Variants in CSMD1 observed in about 807,000 individuals in gnomAD.
CSMD1 encodes CUB and Sushi multiple domains 1.
Under a neutral mutation model 417.5 loss-of-function variants are expected in CSMD1, and 213 were observed. That is an observed-to-expected ratio of 0.51 (90% CI 0.46 to 0.57). The LOEUF (loss-of-function observed/expected upper bound fraction) is 0.57, where lower values mean the gene tolerates loss of function less well. Among genes scored for constraint, CSMD1 ranks in the 20% least tolerant of loss-of-function variants. The pLI, the probability that CSMD1 is intolerant of heterozygous loss-of-function variation, is 0.00. For missense variants in CSMD1, 6,923 were observed against 4,529.7 expected (o/e 1.53, Z -15.17); for synonymous variants, 2,862 against 1,736.8 (o/e 1.65, Z -16.11).
chr8:3,965,996 A>C (rs186322117), intron 5 of CSMD1, among the ~76,000 whole-genome samples: 20 of 152,340 alleles, frequency 1.3e-4, no homozygotes, highest in Admixed American at 1.1e-3. Flanking sequence ...AAATGTTAAT[A>C]TGAAGCATAG....
chr8:4,586,135 G>A, intron 2 of CSMD1, among the ~76,000 whole-genome samples: 1 of 152,108 alleles, frequency 6.6e-6, no homozygotes, highest in East Asian at 1.9e-4. Flanking sequence ...ATCTCCTCAA[G>A]CATTTGCCAT....
chr8:4,696,325 A>G (rs1297470874), intron 1 of CSMD1, among the ~76,000 whole-genome samples: 1 of 152,236 alleles, frequency 6.6e-6, no homozygotes, highest in East Asian at 1.9e-4. Flanking sequence ...TAACTTTCAA[A>G]GACTCTTAGA....
intron 3 of CSMD1, among the ~76,000 whole-genome samples, chr8:4,206,292 C>T (rs75609170): frequency 6.6e-6 from 1 of 151,890 alleles, no homozygotes; most frequent in Non-Finnish European, 1.5e-5. Context: ...TGTGCTGCAC[C>T]CATTAACTTG....
At chr8:4,097,793 T>C (rs1028062035) in intron 3 of CSMD1, among the ~76,000 whole-genome samples, 4 of 152,204 alleles carry the variant, frequency 2.6e-5, no homozygotes, top group Non-Finnish European at 5.9e-5. Flanking sequence ...TTTAGCATGA[T>C]TACAAATGCT....
At chr8:4,324,841 G>C (rs1428307056) in intron 3 of CSMD1, among the ~76,000 whole-genome samples, 2 of 152,216 alleles carry the variant, frequency 1.3e-5, no homozygotes, top group Non-Finnish European at 2.9e-5. Context: ...AGACAAAGAA[G>C]AGGAGGGACT....
In CSMD1 at chr8:4,149,469, A is replaced by G. The variant is rs74447217; in HGVS notation, c.416-117370T>C. ...GGCCAATAAAAGGAAATCTTCCAAT[A>G]TATTTGAAGGATTACTCTATCTGGA... On this transcript the variant is annotated intron_variant, in intron 3 of 69. Coordinates refer to ENST00000635120, the MANE Select transcript of CSMD1 (RefSeq NM_033225.6). Among the ~76,000 whole-genome samples the G allele has an allele frequency of 9.5e-3, 1,441 of 152,306 alleles. 8 individuals carry two copies. Among genetic ancestry groups the G allele is most frequent in the Non-Finnish European group, 0.014 (939 of 68,022 alleles).
At chr8:4,782,041 C>T (rs1797176958) in intron 1 of CSMD1, among the ~76,000 whole-genome samples, 1 of 152,174 alleles carries the variant, frequency 6.6e-6, no homozygotes, top group Non-Finnish European at 1.5e-5. Flanking sequence ...AAAATTATAG[C>T]CCACTAAACA....
chr8:4,912,964 T>G (rs1213223671), intron 1 of CSMD1, among the ~76,000 whole-genome samples: 1 of 152,132 alleles, frequency 6.6e-6, no homozygotes, highest in Admixed American at 6.5e-5. Context: ...TTGTTTTGTA[T>G]TTTTAGTAGA....
chr8:3,076,880 T>C (rs559965681), intron 49 of CSMD1, among the ~76,000 whole-genome samples: 89 of 152,300 alleles, frequency 5.8e-4, no homozygotes, highest in South Asian at 1.0e-3. Flanking sequence ...TGAGGGTACA[T>C]GTGCATTTTG....
chr8:4,199,063 A>T (rs1563260661), intron 3 of CSMD1, among the ~76,000 whole-genome samples: 1 of 152,058 alleles, frequency 6.6e-6, no homozygotes, highest in Admixed American at 6.6e-5. Context: ...AGTCTGGCAA[A>T]ACCCCTGAGG....
At chr8:4,549,909 A>AG (rs1797794728) in intron 2 of CSMD1, among the ~76,000 whole-genome samples, 2 of 150,858 alleles carry the variant, frequency 1.3e-5, no homozygotes, top group Non-Finnish European at 3.0e-5. Context: ...AAAAAAAAAA[A>AG]AAAAAAAAAA....
In CSMD1 at chr8:3,038,465, C is replaced by T. The variant is rs189934078; in HGVS notation, c.7661-8952G>A. Among the ~76,000 whole-genome samples, 472 of 152,276 alleles carry T rather than the reference C, an allele frequency of 3.1e-3. 9 individuals carry two copies. The highest frequency in any genetic ancestry group is 0.027 in the Admixed American group (413 of 15,284). On this transcript the variant is annotated intron_variant, in intron 50 of 69. Transcript: ENST00000635120. ...GCTTAATTGTAAAAGCAATACACAG[C>T]ATTTATATTACTGGTGGCTCTCTTT... is the stretch of plus-strand genomic sequence containing the variant.
chr8:4,263,119 G>A (rs1018629305), intron 3 of CSMD1, among the ~76,000 whole-genome samples: 2 of 152,042 alleles, frequency 1.3e-5, no homozygotes, highest in Non-Finnish European at 2.9e-5. Flanking sequence ...TTTCTTGTGG[G>A]TGATATCACT....
At chr8:3,897,826 T>A (rs1355090061) in intron 5 of CSMD1, among the ~76,000 whole-genome samples, 1 of 152,218 alleles carries the variant, frequency 6.6e-6, no homozygotes, top group African/African-American at 2.4e-5. Flanking sequence ...TCCATCTTTT[T>A]TCTCATTAGC....
chr8:3,233,733 C>T (rs1798986189), intron 26 of CSMD1, among the ~76,000 whole-genome samples: 1 of 151,980 alleles, frequency 6.6e-6, no homozygotes, highest in African/African-American at 2.4e-5. Context: ...TGTAAGTTTT[C>T]ACATTTGTAC....
At chr8:3,673,304 C>T (rs567498763) in intron 7 of CSMD1, among the ~76,000 whole-genome samples, 4 of 152,256 alleles carry the variant, frequency 2.6e-5, no homozygotes, top group Non-Finnish European at 5.9e-5. Context: ...TACAAGCCTG[C>T]TTAACAGGTA....
chr8:3,804,101 G>T (rs1800601288), intron 5 of CSMD1, among the ~76,000 whole-genome samples: 1 of 151,560 alleles, frequency 6.6e-6, no homozygotes, highest in Non-Finnish European at 1.5e-5. Context: ...TATTTTTTTT[G>T]TTATATTTTT....
intron 3 of CSMD1, among the ~76,000 whole-genome samples, chr8:4,203,136 A>G (rs998671945): frequency 6.6e-5 from 10 of 152,336 alleles, no homozygotes; most frequent in Non-Finnish European, 1.3e-4. Context: ...TTAAAAGCTG[A>G]AAACCTTTTC....
chr8:2,994,083 T>G (rs1476442754), intron 54 of CSMD1, among the ~76,000 whole-genome samples: 1 of 132,356 alleles, frequency 7.6e-6, no homozygotes. Context: ...GAGGCGGAAG[T>G]TGCAGTGAGC....
Sources: allele counts gnomAD v4.1 joint callset (sites outside exome capture counted in the v4.1 genomes callset), GRCh38; gene constraint gnomAD v4.1.1; transcripts MANE v1.5; gene names NCBI Gene and HGNC (gene_info 2026-07-23, HGNC 2026-07-21).